NUP214: variants seen among roughly 807,000 people sequenced by gnomAD.
NUP214 encodes nucleoporin 214, also known as nuclear pore complex protein Nup214.
A neutral mutation model predicts 196.2 loss-of-function variants in NUP214; 79 were observed. The observed-to-expected ratio is 0.40, with a 90% CI of 0.34 to 0.49. The LOEUF (loss-of-function observed/expected upper bound fraction) is 0.49. NUP214 is among the 20% of genes least tolerant of loss of function. The probability of loss-of-function intolerance (pLI) is 0.58; values close to 1 mark genes in which losing one functional copy is unlikely to be tolerated. For missense variants in NUP214, 2,468 were observed against 2,539.0 expected (o/e 0.97, Z 0.60); for synonymous variants, 1,020 against 990.5 (o/e 1.03, Z -0.56).
intron 22 of NUP214, among the ~76,000 whole-genome samples, chr9:131,175,052 G>A (rs753733253): frequency 1.3e-5 from 2 of 152,182 alleles, no homozygotes; most frequent in Non-Finnish European, 2.9e-5. Context: ...TCTGATGCTT[G>A]TGGTCAGTAT....
At chr9:131,171,694 C>A (rs969438995) in intron 21 of NUP214, among the ~76,000 whole-genome samples, 3 of 151,854 alleles carry the variant, frequency 2.0e-5, no homozygotes, top group African/African-American at 7.3e-5. Context: ...CTAATGCTAT[C>A]CCTCCCTCCT....
intron 31 of NUP214, among the ~76,000 whole-genome samples, chr9:131,216,213 CTTT>C (rs113694633): frequency 8.1e-6 from 1 of 122,712 alleles, no homozygotes. Context: ...TTTAAAAATT[CTTT>C]TTTTTTTTTT....
At chr9:131,213,462 G>A (rs1452384345) in intron 30 of NUP214, among the ~76,000 whole-genome samples, 2 of 152,106 alleles carry the variant, frequency 1.3e-5, no homozygotes, top group African/African-American at 2.4e-5. Flanking sequence ...GGCATGAGCC[G>A]CTGCACCCAG....
chr9:131,196,268 C>T (rs1002340391), intron 28 of NUP214, among the ~76,000 whole-genome samples: 4 of 152,064 alleles, frequency 2.6e-5, no homozygotes, highest in South Asian at 2.1e-4. Flanking sequence ...CAGCGATTCT[C>T]CTGCCTCAGC....
At chr9:131,223,190 G>A (rs1834611297) in intron 32 of NUP214, among the ~76,000 whole-genome samples, 1 of 150,806 alleles carries the variant, frequency 6.6e-6, no homozygotes, top group African/African-American at 2.4e-5. Flanking sequence ...TTTTGTGAGA[G>A]GGAGTCTCAA....
In NUP214 at chr9:131,232,446, C is replaced by A; in HGVS notation, c.6239+138C>A. 1.1e-6 allele frequency: 1 copy of A among 888,640 alleles called. No homozygotes were observed. Among genetic ancestry groups the A allele is most frequent in the Non-Finnish European group, 1.9e-6 (1 of 539,620 alleles). 55.0% of individuals were successfully genotyped at this position (888,640 alleles called of 1,614,324 possible). On this transcript the variant is annotated intron_variant, in intron 35 of 35. Coordinates refer to ENST00000359428, the MANE Select transcript of NUP214 (RefSeq NM_005085.4). The surrounding 1 kb of genome is among the most constrained non-coding windows in gnomAD (Gnocchi z 5.1). ...AGTTTGTCCTGGAAGTGTGGGGGTT[C>A]AGCAGCAGGGTTTGGGTTTTGTGGA...
chr9:131,218,948 G>A (rs532058071), intron 31 of NUP214, among the ~76,000 whole-genome samples: 1 of 152,006 alleles, frequency 6.6e-6, no homozygotes, highest in Non-Finnish European at 1.5e-5. Flanking sequence ...TTCTGAGCCT[G>A]TCCTTCTTTA....
At chr9:131,170,520 C>T (rs755128353) in intron 21 of NUP214, among the ~76,000 whole-genome samples, 139 of 152,286 alleles carry the variant, frequency 9.1e-4, no homozygotes, top group Admixed American at 2.1e-3. Flanking sequence ...GAGACATGCA[C>T]ATCTTTTGTT....
chr9:131,197,108 T>C (rs1833809675), intron 28 of NUP214, 108 bp from the exon 29 acceptor site: 1 of 1,474,896 alleles, frequency 6.8e-7, no homozygotes, highest in South Asian at 1.3e-5. Flanking sequence ...GCACCCTGAC[T>C]CTGTAGAGGG....
At chr9:131,207,666 C>A (rs1243176054) in intron 30 of NUP214, among the ~76,000 whole-genome samples, 1 of 152,240 alleles carries the variant, frequency 6.6e-6, no homozygotes, top group African/African-American at 2.4e-5. Flanking sequence ...CCGCCTCTTG[C>A]TCTAGAAGAG....
intron 27 of NUP214, among the ~76,000 whole-genome samples, chr9:131,194,846 C>A (rs978188132): frequency 6.6e-6 from 1 of 152,164 alleles, no homozygotes; most frequent in African/African-American, 2.4e-5. Context: ...TCTTACCAGA[C>A]CTTCCTTCTG....
chr9:131,228,688 C>T, intron 33 of NUP214: 1 of 182,286 alleles, frequency 5.5e-6, no homozygotes, highest in Admixed American at 6.3e-5. Context: ...AGGAAGTCCT[C>T]AATGAATGGT....
intron 30 of NUP214, among the ~76,000 whole-genome samples, chr9:131,210,626 CA>C (rs200387654): frequency 1.4e-4 from 18 of 124,446 alleles, no homozygotes; most frequent in South Asian, 2.5e-4. Flanking sequence ...GACTCCATCT[CA>C]AAAAAAAAAA....
chr9:131,217,324 T>C (rs563360553), intron 31 of NUP214, among the ~76,000 whole-genome samples: 2 of 152,364 alleles, frequency 1.3e-5, no homozygotes, highest in South Asian at 2.1e-4. Flanking sequence ...TAGGTTTCAG[T>C]CTGCCAGGAG....
At chr9:131,137,167 C>T (rs1419883453) in intron 9 of NUP214, among the ~76,000 whole-genome samples, 2 of 152,180 alleles carry the variant, frequency 1.3e-5, no homozygotes, top group Non-Finnish European at 2.9e-5. Flanking sequence ...TTCATATGTT[C>T]ACACATTAAA....
chr9:131,133,042 C>A, intron 6 of NUP214, 64 bp from the exon 7 acceptor site: 1 of 1,216,980 alleles, frequency 8.2e-7, no homozygotes, highest in Non-Finnish European at 1.2e-6. Flanking sequence ...CAAACATAAG[C>A]TGCTTTTTCT....
intron 12 of NUP214, among the ~76,000 whole-genome samples, chr9:131,145,280 G>A (rs916481095): frequency 1.7e-4 from 26 of 151,994 alleles, no homozygotes; most frequent in Admixed American, 7.9e-4. Context: ...GATCTGGGTC[G>A]GGCAGCTCAC....
chr9:131,203,298 A>G (rs1406124499), intron 30 of NUP214, among the ~76,000 whole-genome samples: 1 of 152,090 alleles, frequency 6.6e-6, no homozygotes, highest in Non-Finnish European at 1.5e-5. Context: ...GCACCTCCAT[A>G]AGATAGGTGC....
chr9:131,231,293 C>T (rs1427691001), intron 34 of NUP214, among the ~76,000 whole-genome samples: 4 of 152,094 alleles, frequency 2.6e-5, no homozygotes, highest in Admixed American at 6.6e-5. Flanking sequence ...CCCGGGTTCA[C>T]GCCATTCTCC....
Sources: gnomAD v4.1 joint callset for allele counts (sites outside exome capture counted in the v4.1 genomes callset) on GRCh38, gnomAD v4.1.1 for gene constraint, Gnocchi (gnomAD v3.1) non-coding constraint, MANE v1.5 for transcripts, NCBI Gene and HGNC (gene_info 2026-07-23, HGNC 2026-07-21) for gene names.